Variants in FRYL observed in about 807,000 individuals in gnomAD.
FRYL encodes protein furry homolog-like.
FRYL carries 150 observed loss-of-function variants against 351.2 expected under a neutral mutation model. That is an observed-to-expected ratio of 0.43 (90% CI 0.37 to 0.49). The LOEUF is 0.49. FRYL is among the 20% of genes least tolerant of loss of function. FRYL has a pLI of 0.00. For missense variants in FRYL, 3,036 were observed against 3,619.3 expected, an observed-to-expected ratio of 0.84 and a Z score of 4.13; for synonymous variants, 1,153 against 1,257.1, an observed-to-expected ratio of 0.92 and a Z score of 1.75.
At chr4:48,515,349 T>G in intron 55 of FRYL, 74 bp from the exon 56 acceptor site, 1 of 1,083,688 alleles carries the variant, frequency 9.2e-7, no homozygotes, top group Non-Finnish European at 1.3e-6. Context: ...AAATAAGTAT[T>G]GCCATCCATC....
In FRYL at chr4:48,634,360, G is replaced by A. The variant is rs748056074; in HGVS notation, c.51C>T (p.Ile17=). 9.9e-6 allele frequency: 16 copies of A among 1,613,470 alleles called. No individual in the cohort carries two copies. The highest frequency in any genetic ancestry group is 1.4e-5 in the Non-Finnish European group (16 of 1,179,664). ...CAGCAAATTCTGCAAAGAGGCTCTT[G>A]ATGACATATTCACCAGGTTTGACAT... ...DPDVKPGEYV[I]KSLFAEFAVQ... is the part of the protein sequence containing the mutation. The change falls in exon 4 of 64, where the codon ATC becomes ATT. Residue 17 remains isoleucine, a synonymous_variant. Coordinates refer to ENST00000358350, the MANE Select transcript of FRYL (RefSeq NM_015030.2).
At chr4:48,554,118 G>C (rs185202278) in intron 35 of FRYL, among the ~76,000 whole-genome samples, 164 of 152,102 alleles carry the variant, frequency 1.1e-3, no homozygotes, top group Non-Finnish European at 2.2e-3. Flanking sequence ...CTTCATAACT[G>C]ATCAGCCTAT....
chr4:48,725,180 C>T (rs1769943646), intron 1 of FRYL, among the ~76,000 whole-genome samples: 1 of 152,234 alleles, frequency 6.6e-6, no homozygotes, highest in South Asian at 2.1e-4. Context: ...GAGAATCAAT[C>T]TGCCCTTACA....
intron 1 of FRYL, among the ~76,000 whole-genome samples, chr4:48,754,090 T>C (rs910554401): frequency 1.3e-5 from 2 of 152,214 alleles, no homozygotes; most frequent in Non-Finnish European, 2.9e-5. Context: ...ATTAAGTACA[T>C]GCATTATATT....
At chr4:48,726,046 A>G (rs990151385) in intron 1 of FRYL, among the ~76,000 whole-genome samples, 4 of 152,166 alleles carry the variant, frequency 2.6e-5, no homozygotes, top group Non-Finnish European at 5.9e-5. Flanking sequence ...AATTCTCAGA[A>G]TTTCAGAGAT....
chr4:48,609,588 C>CTCCA (rs951223798), intron 8 of FRYL, among the ~76,000 whole-genome samples, 156 bp downstream of exon 8: 5 of 150,334 alleles, frequency 3.3e-5, no homozygotes, highest in African/African-American at 1.2e-4. Flanking sequence ...CATCTCTGCA[C>CTCCA]TCCAGGCTGG....
At chr4:48,700,334 TG>T (rs748228518) in intron 2 of FRYL, among the ~76,000 whole-genome samples, 5 of 152,166 alleles carry the variant, frequency 3.3e-5, no homozygotes, top group Non-Finnish European at 5.9e-5. Context: ...AGTGAGACAC[TG>T]GGTCATTTCT....
chr4:48,666,099 C>T (rs376852271), intron 3 of FRYL, among the ~76,000 whole-genome samples: 8 of 152,288 alleles, frequency 5.3e-5, no homozygotes, highest in Admixed American at 6.5e-5. Flanking sequence ...CAGTGGCTTA[C>T]GCCTGTAATT....
chr4:48,547,515 T>C, intron 41 of FRYL, 69 bp downstream of exon 41: 1 of 847,266 alleles, frequency 1.2e-6, no homozygotes, highest in Non-Finnish European at 1.7e-6. Flanking sequence ...CAGTTGACTT[T>C]CTCTAATGCA....
chr4:48,506,122 T>TTTTC (rs1184820311), intron 59 of FRYL: 2 of 152,430 alleles, frequency 1.3e-5, no homozygotes, highest in African/African-American at 2.4e-5. Context: ...TTTGTTTTTC[T>TTTTC]TTTCTTTCTT....
intron 13 of FRYL, among the ~76,000 whole-genome samples, chr4:48,596,658 C>T (rs1164298922): frequency 1.3e-5 from 2 of 151,966 alleles, no homozygotes; most frequent in Non-Finnish European, 2.9e-5. Context: ...CAGTACCTGG[C>T]ATGTATTAAA....
intron 11 of FRYL, among the ~76,000 whole-genome samples, chr4:48,605,185 C>T (rs1746519571): frequency 1.3e-5 from 2 of 152,070 alleles, no homozygotes; most frequent in African/African-American, 4.8e-5. Flanking sequence ...TTGTGTGTCC[C>T]CATTTTTAAA....
intron 3 of FRYL, among the ~76,000 whole-genome samples, chr4:48,669,396 C>T (rs1762276319): frequency 6.6e-6 from 1 of 152,002 alleles, no homozygotes; most frequent in South Asian, 2.1e-4. Context: ...GGTATTTGAG[C>T]ATCACGAGCA....
In FRYL at chr4:48,501,634, T is replaced by C; in HGVS notation, c.8581A>G (p.Asn2861Asp). Reference sequence around the variant, plus strand: ...AACTGAATATTTACCTCTGCTTCATTTTTTATCGTATTTACTTGGTTGATA... The same window carrying C: ...AACTGAATATTTACCTCTGCTTCATCTTTTATCGTATTTACTTGGTTGATA... ...KLINQVNTIK[N>D]EAEVINMSEE... The change falls in exon 62 of 64, where the codon AAT becomes GAT. Residue 2861 changes from asparagine to aspartate, a missense_variant. Asn to Asp is a conservative substitution (Grantham distance 23). Around this residue, in one of 7 missense-constraint regions of FRYL, gnomAD observed 1,987 missense variants for 2,311.7 expected, o/e 0.86. Transcript: ENST00000358350. The C allele has an allele frequency of 6.3e-7, 1 of 1,582,678 alleles. No individual in the cohort carries two copies. Among genetic ancestry groups the C allele is most frequent in the African/African-American group, 1.3e-5 (1 of 74,336 alleles).
rs540462846 is a variant in FRYL, at chr4:48,576,976, CCTCT to C, written c.2529-758_2529-755del. Among the ~76,000 whole-genome samples, 9 of 152,030 alleles carry C rather than the reference CCTCT, an allele frequency of 5.9e-5. No individual in the cohort carries two copies. The South Asian group carries it at 1.0e-3, about 18-fold the overall frequency. ...ACCTTTTAGACTTACGTATTTTTCA[CCTCT>C]CTATGTAAATTAATATACTTCTGTG... is the stretch of plus-strand genomic sequence containing the variant. On this transcript the variant is annotated intron_variant, in intron 23 of 63. Coordinates refer to ENST00000358350, the MANE Select transcript of FRYL (RefSeq NM_015030.2).
chr4:48,511,185 AAT>A (rs1205338533), intron 57 of FRYL, among the ~76,000 whole-genome samples: 1 of 152,202 alleles, frequency 6.6e-6, no homozygotes, highest in Non-Finnish European at 1.5e-5. Flanking sequence ...AAATTTACAA[AAT>A]AGTATTACTG....
At chr4:48,580,242 T>C (rs956593272) in intron 22 of FRYL, among the ~76,000 whole-genome samples, 2 of 152,162 alleles carry the variant, frequency 1.3e-5, no homozygotes, top group Non-Finnish European at 2.9e-5. Context: ...TATTTTTAAA[T>C]AGTAAGGTTT....
At chr4:48,627,920 A>C (rs1234750429) in intron 4 of FRYL, among the ~76,000 whole-genome samples, 2 of 151,994 alleles carry the variant, frequency 1.3e-5, no homozygotes, top group Non-Finnish European at 2.9e-5. Flanking sequence ...ACAGGCGCCT[A>C]CTACCACGTC....
chr4:48,541,769 A>G (rs1317270176), intron 45 of FRYL, among the ~76,000 whole-genome samples: 1 of 152,158 alleles, frequency 6.6e-6, no homozygotes, highest in Admixed American at 6.6e-5. Flanking sequence ...AGGATGCTGA[A>G]TCCTGAATGT....
Sources: gnomAD v4.1 joint callset for allele counts (sites outside exome capture counted in the v4.1 genomes callset) on GRCh38, gnomAD v4.1.1 for gene constraint, gnomAD v4.1.1 regional missense constraint, MANE v1.5 for transcripts, NCBI Gene and HGNC (gene_info 2026-07-23, HGNC 2026-07-21) for gene names.